Variants in PASD1 observed in about 807,000 individuals in gnomAD.
PASD1 encodes the protein PAS domain containing repressor 1.
A neutral mutation model predicts 58.8 loss-of-function variants in PASD1; 13 were observed. The ratio of observed to expected loss-of-function variants is 0.22; its 90% CI spans 0.14 to 0.35. The LOEUF (loss-of-function observed/expected upper bound fraction) is 0.35. Among genes scored for constraint, PASD1 ranks in the 10% least tolerant of loss-of-function variants. The pLI is 1.00. For synonymous variants in PASD1, 236 were observed against 216.7 expected, an observed-to-expected ratio of 1.09 and a Z score of -0.78; for missense variants, 734 against 568.3, an observed-to-expected ratio of 1.29 and a Z score of -2.96.
At chrX:151,600,516 G>A (rs1377148108) in intron 1 of PASD1, among the ~76,000 whole-genome samples, 2 of 110,788 alleles carry the variant, frequency 1.8e-5, no homozygotes, top group African/African-American at 6.6e-5. Flanking sequence ...CCTGTACCCA[G>A]AGAACATGCT....
chrX:151,578,776 T>A (rs994750732), intron 1 of PASD1, among the ~76,000 whole-genome samples: 1 of 112,209 alleles, frequency 8.9e-6, no homozygotes, highest in African/African-American at 3.2e-5. Context: ...TTTTGATAAC[T>A]GAGTTCACCT....
chrX:151,628,543 G>A (rs189164298), intron 8 of PASD1, among the ~76,000 whole-genome samples: 1 of 111,189 alleles, frequency 9.0e-6, no homozygotes, highest in Non-Finnish European at 1.9e-5. Context: ...CTGTTCCATT[G>A]GTCTATATCT....
chrX:151,617,514 G>A (rs1464803200), intron 4 of PASD1, among the ~76,000 whole-genome samples: 1 of 111,716 alleles, frequency 9.0e-6, no homozygotes, highest in Non-Finnish European at 1.9e-5. Flanking sequence ...TCTTGTTAGG[G>A]TATTATTTTA....
chrX:151,627,425 G>A (rs1203646686), intron 8 of PASD1, among the ~76,000 whole-genome samples: 2 of 107,351 alleles, frequency 1.9e-5, no homozygotes, highest in Non-Finnish European at 3.8e-5. Flanking sequence ...CTTATTGTTC[G>A]GTTCCCACCT....
chrX:151,673,213 C>T, intron 14 of PASD1: 1 of 118,335 alleles, frequency 8.5e-6, no homozygotes, highest in African/African-American at 3.2e-5. Flanking sequence ...GACATGAACA[C>T]ATTTCTGCTC....
chrX:151,639,297 A>G (rs768610128), intron 8 of PASD1, among the ~76,000 whole-genome samples: 4 of 112,044 alleles, frequency 3.6e-5, no homozygotes, highest in South Asian at 3.7e-4. Flanking sequence ...ACTTATTACA[A>G]TTTTTAACTT....
intron 11 of PASD1, among the ~76,000 whole-genome samples, chrX:151,669,198 T>G (rs1311196426): frequency 9.4e-6 from 1 of 106,564 alleles, no homozygotes; most frequent in Admixed American, 1.0e-4. Context: ...ATATATACAC[T>G]ATATAGTATA....
At position 151,604,667 on chromosome X, in the gene PASD1, C is replaced by A. The variant is rs763079065; in HGVS notation, c.50C>A (p.Ser17Tyr). The change falls in exon 3 of 16, where the codon TCT becomes TAT. Residue 17 changes from serine to tyrosine, a missense_variant. By Grantham distance (144) the Ser-to-Tyr change is moderately radical. Coordinates refer to ENST00000370357, the MANE Select transcript of PASD1 (RefSeq NM_173493.3). ...AAAGACAAAGTCAATCCAAAAAGCT[C>A]TCAAAGGAAATTAAACTGGATTCCA... is the stretch of plus-strand genomic sequence containing the variant. ...KRRDKVNPKS[S>Y]QRKLNWIPSF... The A allele has an allele frequency of 8.3e-6, 10 of 1,206,717 alleles. No individual in the cohort carries two copies. The Middle Eastern group carries it at 2.0e-3, about 241-fold the overall frequency.
At chrX:151,637,322 G>A (rs912336420) in intron 8 of PASD1, among the ~76,000 whole-genome samples, 1 of 112,104 alleles carries the variant, frequency 8.9e-6, no homozygotes, top group Non-Finnish European at 1.9e-5. Flanking sequence ...TTCCAGGGTG[G>A]TTGTGCCATT....
intron 11 of PASD1, among the ~76,000 whole-genome samples, chrX:151,670,363 T>C (rs369306724): frequency 8.9e-6 from 1 of 112,150 alleles, no homozygotes; most frequent in East Asian, 2.8e-4. Flanking sequence ...TACAAAACTC[T>C]GGTTTCTCCT....
chrX:151,592,525 T>G (rs111235914), intron 1 of PASD1, among the ~76,000 whole-genome samples: 3,753 of 112,128 alleles, frequency 0.033, 114 homozygotes, highest in African/African-American at 0.091. Flanking sequence ...AAATGTAATT[T>G]TAATAAATTA....
intron 1 of PASD1, among the ~76,000 whole-genome samples, chrX:151,572,197 A>G (rs1394897737): frequency 9.0e-6 from 1 of 111,552 alleles, no homozygotes; most frequent in Non-Finnish European, 1.9e-5. Context: ...TATAAGAGCT[A>G]TAGCTCTTCT....
intron 1 of PASD1, among the ~76,000 whole-genome samples, chrX:151,564,370 C>A (rs1041048681): frequency 5.4e-5 from 6 of 111,583 alleles, no homozygotes; most frequent in Non-Finnish European, 9.4e-5. Context: ...TCTCAGACTT[C>A]AGAATTTTCA....
At chrX:151,573,476 G>T (rs2012956621) in intron 1 of PASD1, among the ~76,000 whole-genome samples, 1 of 112,308 alleles carries the variant, frequency 8.9e-6, no homozygotes, top group African/African-American at 3.2e-5. Context: ...GCCTTGTGTT[G>T]CTGAGAGAAA....
chrX:151,634,346 C>G (rs919362106), intron 8 of PASD1, among the ~76,000 whole-genome samples: 3 of 111,032 alleles, frequency 2.7e-5, no homozygotes, highest in Non-Finnish European at 5.7e-5. Flanking sequence ...CTCTATTTCT[C>G]AAATACTTCT....
chrX:151,597,817 G>C (rs908822105), intron 1 of PASD1, among the ~76,000 whole-genome samples: 7 of 111,548 alleles, frequency 6.3e-5, no homozygotes, highest in Non-Finnish European at 1.3e-4. Flanking sequence ...TGCAATCTCT[G>C]CCTCCCAGGT....
At chrX:151,577,022 A>C in intron 1 of PASD1, among the ~76,000 whole-genome samples, 1 of 111,769 alleles carries the variant, frequency 8.9e-6, no homozygotes, top group East Asian at 2.8e-4. Flanking sequence ...TTCTGTAAAT[A>C]TATTTTTTGA....
intron 8 of PASD1, among the ~76,000 whole-genome samples, chrX:151,643,407 G>A: frequency 9.0e-6 from 1 of 111,146 alleles, no homozygotes; most frequent in Non-Finnish European, 1.9e-5. Flanking sequence ...GGGGATGTTA[G>A]TGGGTTAAGC....
intron 15 of PASD1, among the ~76,000 whole-genome samples, chrX:151,674,562 T>C (rs776839284): frequency 9.0e-4 from 102 of 112,718 alleles, no homozygotes; most frequent in African/African-American, 3.2e-3. Context: ...CTAGTGTAGG[T>C]ATGTTTCCTT....
Sources: gnomAD v4.1 joint callset for allele counts (sites outside exome capture counted in the v4.1 genomes callset) on GRCh38, gnomAD v4.1.1 for gene constraint, MANE v1.5 for transcripts, NCBI Gene and HGNC (gene_info 2026-07-23, HGNC 2026-07-21) for gene names.